INPP4B: variants seen among roughly 807,000 people sequenced by gnomAD.
INPP4B encodes inositol polyphosphate-4-phosphatase type II B.
A neutral mutation model predicts 122.5 loss-of-function variants in INPP4B; 55 were observed. That is an observed-to-expected ratio of 0.45 (90% CI 0.36 to 0.56). The LOEUF (loss-of-function observed/expected upper bound fraction) is 0.56, where lower values mean the gene tolerates loss of function less well. Ranked by LOEUF, INPP4B falls within the 20% of genes least tolerant of loss-of-function variation. INPP4B has a pLI of 0.00. For synonymous variants in INPP4B, 403 were observed against 388.7 expected, an observed-to-expected ratio of 1.04 and a Z score of -0.43; for missense variants, 1,000 against 1,097.7, an observed-to-expected ratio of 0.91 and a Z score of 1.26.
intron 1 of INPP4B, among the ~76,000 whole-genome samples, chr4:142,775,290 T>C (rs1328040100): frequency 1.3e-5 from 2 of 151,194 alleles, no homozygotes; most frequent in Non-Finnish European, 2.9e-5. Flanking sequence ...AATGTCATTA[T>C]ACAGAGCACA....
At chr4:142,264,167 T>C (rs1260129782) in intron 10 of INPP4B, among the ~76,000 whole-genome samples, 3 of 152,010 alleles carry the variant, frequency 2.0e-5, no homozygotes, top group Non-Finnish European at 4.4e-5. Context: ...TAGACTGATA[T>C]AGTGACATGT....
intron 17 of INPP4B, among the ~76,000 whole-genome samples, chr4:142,157,984 C>T (rs1025972246): frequency 1.3e-5 from 2 of 152,066 alleles, no homozygotes; most frequent in African/African-American, 2.4e-5. Context: ...AGTGCCTGCT[C>T]TTCCACCTGG....
chr4:142,553,957 G>A (rs986163290), intron 2 of INPP4B, among the ~76,000 whole-genome samples: 5 of 152,080 alleles, frequency 3.3e-5, no homozygotes, highest in Non-Finnish European at 5.9e-5. Context: ...TTGGGAGGCC[G>A]AAGTGGGCAG....
intron 12 of INPP4B, among the ~76,000 whole-genome samples, chr4:142,229,116 T>C (rs1852964410): frequency 6.6e-6 from 1 of 151,462 alleles, no homozygotes; most frequent in East Asian, 1.9e-4. Flanking sequence ...GAATATGTAT[T>C]TATAAGGTTT....
At chr4:142,033,790 A>T (rs1741992162) in intron 25 of INPP4B, among the ~76,000 whole-genome samples, 1 of 149,830 alleles carries the variant, frequency 6.7e-6, no homozygotes, top group South Asian at 2.1e-4. Flanking sequence ...TCAGCCTCCC[A>T]AGTAGCTGGG....
chr4:142,522,464 C>A (rs938383009), intron 2 of INPP4B, among the ~76,000 whole-genome samples: 2 of 151,468 alleles, frequency 1.3e-5, no homozygotes, highest in Non-Finnish European at 2.9e-5. Context: ...CATGCATCAA[C>A]CTCCTGGGCA....
chr4:142,423,729 A>G, intron 5 of INPP4B: 3 of 422,232 alleles, frequency 7.1e-6, no homozygotes, highest in South Asian at 5.2e-5. Context: ...GCATATCCAC[A>G]TGACACTTTT....
At chr4:142,314,597 C>A in intron 8 of INPP4B, 115 bp downstream of exon 8, 1 of 933,506 alleles carries the variant, frequency 1.1e-6, no homozygotes, top group South Asian at 1.6e-5. Context: ...AGAGCCACAC[C>A]CTGTTAATGT....
intron 2 of INPP4B, among the ~76,000 whole-genome samples, chr4:142,545,717 ATATGTGTG>A (rs1829491420): frequency 8.0e-6 from 1 of 125,072 alleles, no homozygotes; most frequent in African/African-American, 3.2e-5. Flanking sequence ...ATGTGTGTGT[ATATGTGTG>A]TATATACACA....
chr4:142,523,774 A>G (rs1462189555), intron 2 of INPP4B, among the ~76,000 whole-genome samples: 4 of 148,126 alleles, frequency 2.7e-5, no homozygotes, highest in African/African-American at 9.9e-5. Context: ...GTCATCTAGC[A>G]TTAGGTATAT....
chr4:142,225,290 C>T (rs549971648), intron 12 of INPP4B, among the ~76,000 whole-genome samples: 7 of 152,244 alleles, frequency 4.6e-5, no homozygotes, highest in African/African-American at 1.7e-4. Flanking sequence ...GCCAGGGGCT[C>T]TCTGGCCTTT....
rs890801787 is a variant in INPP4B at position 142,025,057 on chromosome 4, C to G, written c.*3725G>C. On this transcript the variant is annotated 3_prime_UTR_variant, in exon 26 of 26. Transcript: ENST00000262992. ...TTGATACTTTTTAAATAATTTTATA[C>G]TGCCTCCAATAATTTATTTCCTAAT... 1 of 151,988 alleles carries G rather than the reference C, an allele frequency of 6.6e-6. No individual in the cohort carries two copies. Among genetic ancestry groups the G allele is most frequent in the African/African-American group, 2.4e-5 (1 of 41,360 alleles). The allele number at this position is 151,988 out of a possible 1,614,324, so 9.4% of individuals were successfully genotyped here.
chr4:142,668,346 G>A (rs1278636954), intron 2 of INPP4B, among the ~76,000 whole-genome samples: 7 of 152,072 alleles, frequency 4.6e-5, no homozygotes, highest in African/African-American at 7.2e-5. Context: ...TAAAAGGAAT[G>A]AACCTCAACA....
At chr4:142,569,079 T>C (rs1355141545) in intron 2 of INPP4B, among the ~76,000 whole-genome samples, 1 of 152,104 alleles carries the variant, frequency 6.6e-6, no homozygotes, top group African/African-American at 2.4e-5. Context: ...CCTGTATGAA[T>C]AATAATGGGA....
intron 11 of INPP4B, among the ~76,000 whole-genome samples, chr4:142,241,056 T>C (rs896096026): frequency 6.6e-5 from 10 of 152,152 alleles, no homozygotes; most frequent in Non-Finnish European, 1.2e-4. Flanking sequence ...ACTCCAGCTG[T>C]GGAAATAAGC....
intron 2 of INPP4B, among the ~76,000 whole-genome samples, chr4:142,471,441 C>T (rs1409071457): frequency 6.6e-6 from 1 of 152,182 alleles, no homozygotes; most frequent in Non-Finnish European, 1.5e-5. Flanking sequence ...AAGGAAACAT[C>T]CCACCTTACA....
At chr4:142,105,236 C>T (rs1473782998) in intron 23 of INPP4B, among the ~76,000 whole-genome samples, 2 of 152,066 alleles carry the variant, frequency 1.3e-5, no homozygotes, top group Non-Finnish European at 2.9e-5. Flanking sequence ...ATATTTATTC[C>T]AAATGAAACT....
At chr4:142,669,238 G>A (rs571355479) in intron 2 of INPP4B, among the ~76,000 whole-genome samples, 16 of 152,148 alleles carry the variant, frequency 1.1e-4, no homozygotes, top group African/African-American at 3.9e-4. Flanking sequence ...ATTGCTCATA[G>A]TACCCAAAAG....
intron 2 of INPP4B, among the ~76,000 whole-genome samples, chr4:142,699,944 C>G (rs1761504175): frequency 6.6e-6 from 1 of 152,016 alleles, no homozygotes; most frequent in African/African-American, 2.4e-5. Flanking sequence ...ACAGTTTTCC[C>G]CTCTCCACCA....
Sources: gnomAD v4.1 joint callset for allele counts (sites outside exome capture counted in the v4.1 genomes callset) on GRCh38, gnomAD v4.1.1 for gene constraint, MANE v1.5 for transcripts, NCBI Gene and HGNC (gene_info 2026-07-23, HGNC 2026-07-21) for gene names.